TMEM150C: variants seen among roughly 807,000 people sequenced by gnomAD.
TMEM150C encodes the protein transmembrane protein 150C, also known as tentonin 3.
In TMEM150C, 10 loss-of-function variants were observed where a neutral mutation model predicts 29.9. The observed-to-expected ratio is 0.33, with a 90% confidence interval of 0.21 to 0.57. TMEM150C has a LOEUF of 0.57. Ranked by LOEUF, TMEM150C falls within the 20% of genes least tolerant of loss-of-function variation. The pLI is 0.88. For synonymous variants in TMEM150C, 101 were observed against 112.5 expected, an observed-to-expected ratio of 0.90 and a Z score of 0.64; for missense variants, 251 against 303.6, an observed-to-expected ratio of 0.83 and a Z score of 1.29.
intron 5 of TMEM150C, among the ~76,000 whole-genome samples, chr4:82,502,183 G>T (rs778882684): frequency 1.3e-5 from 2 of 152,148 alleles, no homozygotes; most frequent in Non-Finnish European, 2.9e-5. Context: ...AAAAGGAACT[G>T]GGGCTAGATA....
intron 1 of TMEM150C, among the ~76,000 whole-genome samples, chr4:82,507,618 T>G (rs953802831): frequency 6.6e-6 from 1 of 151,988 alleles, no homozygotes; most frequent in African/African-American, 2.4e-5. Flanking sequence ...TTGGTTTAGT[T>G]TCACAGGACT....
chr4:82,551,712 G>T (rs947215791), intron 1 of TMEM150C, among the ~76,000 whole-genome samples: 1 of 152,092 alleles, frequency 6.6e-6, no homozygotes, highest in Non-Finnish European at 1.5e-5. Context: ...TATCCAGGGC[G>T]GCTGCCCCTC....
At chr4:82,558,717 T>C (rs1725819490) in intron 1 of TMEM150C, among the ~76,000 whole-genome samples, 1 of 152,088 alleles carries the variant, frequency 6.6e-6, no homozygotes, top group African/African-American at 2.4e-5. Context: ...TTAAAATACT[T>C]AGAACAACTA....
At chr4:82,555,664 T>C (rs1193968377) in intron 1 of TMEM150C, among the ~76,000 whole-genome samples, 1 of 152,338 alleles carries the variant, frequency 6.6e-6, no homozygotes, top group East Asian at 1.9e-4. Flanking sequence ...TGTATCGCTA[T>C]CACATTGTAA....
At chr4:82,554,585 T>TA (rs1327127181) in intron 1 of TMEM150C, among the ~76,000 whole-genome samples, 1 of 152,132 alleles carries the variant, frequency 6.6e-6, no homozygotes, top group Non-Finnish European at 1.5e-5. Context: ...ATCATAAGTG[T>TA]AAAAAAAGAG....
At position 82,537,476 on chromosome 4, in the gene TMEM150C, G is replaced by A. The variant is rs950574216; in HGVS notation, c.-11+24430C>T. 3.9e-5 allele frequency among the ~76,000 whole-genome samples: 6 copies of A among 152,254 alleles called. 1 individual carries two copies. The highest frequency in any genetic ancestry group is 3.9e-4 in the Admixed American group (6 of 15,288). On this transcript the variant is annotated intron_variant, in intron 1 of 7. Coordinates refer to ENST00000449862, the MANE Select transcript of TMEM150C (RefSeq NM_001080506.3). The stretch of plus-strand genomic sequence containing the variant: ...CCTTTGGAAAACAACTGGGTGATAG[G>A]TATCAGGAGGCTTAAAAATGCTCCT...
chr4:82,503,077 G>C lies in TMEM150C; in HGVS notation c.116C>G (p.Pro39Arg), dbSNP rs371010443. 4 of 1,612,168 alleles carry C rather than the reference G, an allele frequency of 2.5e-6. No homozygotes were observed. The African/African-American group carries it at 5.3e-5, about 22-fold the overall frequency. Residue 39 changes from proline (P) to arginine (R), a missense_variant, in exon 3 of 8, where the codon CCA (proline) becomes CGA (arginine). By Grantham distance (103) the Pro-to-Arg change is moderately radical. Transcript: ENST00000449862. ...ACTTTACCTTTCAGCTGAATTTAAT[G>C]GTAAAATTTTGTCATCTTCCACAGC... Reference protein sequence around the residue: ...FIAVEDDKILPLNSAERKPGV... With the variant: ...FIAVEDDKILRLNSAERKPGV...
chr4:82,522,021 C>T (rs538767661), intron 1 of TMEM150C, among the ~76,000 whole-genome samples: 1 of 152,048 alleles, frequency 6.6e-6, no homozygotes, highest in African/African-American at 2.4e-5. Flanking sequence ...CATTACTGCA[C>T]CACTGTACTC....
intron 1 of TMEM150C, among the ~76,000 whole-genome samples, chr4:82,544,143 C>T (rs1725280226): frequency 6.6e-6 from 1 of 152,172 alleles, no homozygotes. Context: ...TACTAAGGTG[C>T]TTAAACACCC....
chr4:82,538,119 C>T (rs181465926), intron 1 of TMEM150C, among the ~76,000 whole-genome samples: 8 of 152,260 alleles, frequency 5.3e-5, no homozygotes, highest in East Asian at 1.9e-4. Context: ...TGTGTGGTAG[C>T]GCGATCTTGG....
chr4:82,515,620 C>T (rs1724270827), intron 1 of TMEM150C, among the ~76,000 whole-genome samples: 1 of 151,928 alleles, frequency 6.6e-6, no homozygotes, highest in Non-Finnish European at 1.5e-5. Flanking sequence ...GCCTATAATC[C>T]CAGCTACTTG....
chr4:82,531,191 G>C (rs1724833425), intron 1 of TMEM150C, among the ~76,000 whole-genome samples: 1 of 152,164 alleles, frequency 6.6e-6, no homozygotes, highest in Non-Finnish European at 1.5e-5. Context: ...GGAATAGCAA[G>C]AAGAAAAATA....
At chr4:82,488,929 T>C (rs1267016650) in intron 7 of TMEM150C, among the ~76,000 whole-genome samples, 1 of 152,122 alleles carries the variant, frequency 6.6e-6, no homozygotes, top group Non-Finnish European at 1.5e-5. Context: ...TTATTATTTA[T>C]TTATTTATTG....
At chr4:82,546,460 C>CA (rs1216008210) in intron 1 of TMEM150C, among the ~76,000 whole-genome samples, 1 of 152,054 alleles carries the variant, frequency 6.6e-6, no homozygotes, top group East Asian at 1.9e-4. Context: ...ACAAAATTGA[C>CA]AAAAAATAGG....
At chr4:82,536,025 C>A (rs1724992850) in intron 1 of TMEM150C, among the ~76,000 whole-genome samples, 2 of 152,082 alleles carry the variant, frequency 1.3e-5, no homozygotes, top group African/African-American at 4.8e-5. Context: ...AAAATCACCT[C>A]TGGTTGAAAA....
chr4:82,502,073 A>G (rs1484245258), intron 5 of TMEM150C, among the ~76,000 whole-genome samples: 1 of 152,170 alleles, frequency 6.6e-6, no homozygotes, highest in Non-Finnish European at 1.5e-5. Flanking sequence ...AAAAGGATAG[A>G]GTGCATGGCT....
chr4:82,521,707 C>T (rs578041336), intron 1 of TMEM150C, among the ~76,000 whole-genome samples: 6 of 152,164 alleles, frequency 3.9e-5, no homozygotes, highest in African/African-American at 9.6e-5. Context: ...GGAGAAGACT[C>T]GGTGATGCAG....
chr4:82,497,776 A>G (rs757479626), intron 5 of TMEM150C, among the ~76,000 whole-genome samples: 1 of 152,192 alleles, frequency 6.6e-6, no homozygotes, highest in Non-Finnish European at 1.5e-5. Context: ...TAACAATGAC[A>G]ATAACAATCC....
At chr4:82,536,085 G>T (rs1476530509) in intron 1 of TMEM150C, among the ~76,000 whole-genome samples, 1 of 152,110 alleles carries the variant, frequency 6.6e-6, no homozygotes, top group African/African-American at 2.4e-5. Flanking sequence ...TTTAGGATGG[G>T]CGTGGTGGCT....
Sources: gnomAD v4.1 joint callset for allele counts (sites outside exome capture counted in the v4.1 genomes callset) on GRCh38, gnomAD v4.1.1 for gene constraint, MANE v1.5 for transcripts, NCBI Gene and HGNC (gene_info 2026-07-23, HGNC 2026-07-21) for gene names.